SIRPA: variants seen among roughly 807,000 people sequenced by gnomAD.
The protein encoded by SIRPA is tyrosine-protein phosphatase non-receptor type substrate 1.
A neutral mutation model predicts 50.3 loss-of-function variants in SIRPA; 9 were observed. The observed-to-expected ratio is 0.18, with a 90% CI of 0.11 to 0.31. The LOEUF (loss-of-function observed/expected upper bound fraction) is 0.31, where lower values mean the gene tolerates loss of function less well. SIRPA is among the 10% of genes least tolerant of loss of function. The pLI, the probability that SIRPA is intolerant of heterozygous loss-of-function variation, is 1.00. For missense variants in SIRPA, 474 were observed against 661.6 expected (o/e 0.72, Z 3.11); for synonymous variants, 265 against 284.1 (o/e 0.93, Z 0.68).
rs879337571 is a variant in SIRPA, at chr20:1,937,048, G to A, written c.1267-272G>A. Among the ~76,000 whole-genome samples the A allele has an allele frequency of 6.6e-6, 1 of 152,168 alleles. No individual in the cohort carries two copies. The highest frequency in any genetic ancestry group is 1.5e-5 in the Non-Finnish European group (1 of 68,020). The stretch of plus-strand genomic sequence containing the variant: ...TCAGGCTAGGAGGAGGCAGGAACGG[G>A]AGGAGGTGACACTGAGGCGGGGCTG... On this transcript the variant is annotated intron_variant, in intron 7 of 7. Transcript: ENST00000358771. The surrounding 1 kb of genome is among the most constrained non-coding windows in gnomAD (Gnocchi z 8.3).
At chr20:1,918,599 A>C (rs1985454400) in intron 2 of SIRPA, among the ~76,000 whole-genome samples, 1 of 151,920 alleles carries the variant, frequency 6.6e-6, no homozygotes, top group African/African-American at 2.4e-5. Context: ...AACGTCGATA[A>C]TTGTACCAAC....
In SIRPA at chr20:1,927,922, C is replaced by T. The variant is rs1473872175; in HGVS notation, c.1226+23C>T. 1.2e-6 allele frequency: 2 copies of T among 1,608,106 alleles called. No individual in the cohort carries two copies. The highest frequency in any genetic ancestry group is 3.3e-5 in the Admixed American group (2 of 60,000). ...AAGGTAAGTGCATCATTGGTCCAGA[C>T]CCTCTTGCAGTTATTATTTGGTTAT... On this transcript the variant is annotated intron_variant, in intron 6 of 7. Coordinates refer to ENST00000358771, the MANE Select transcript of SIRPA (RefSeq NM_001040023.2). This position sits in a 1 kb window ranked among gnomAD's most constrained non-coding sequence, Gnocchi z 6.5.
intron 3 of SIRPA, 124 bp from the exon 4 acceptor site, chr20:1,922,189 A>G (rs1232679826): frequency 1.7e-6 from 2 of 1,169,002 alleles, no homozygotes; most frequent in African/African-American, 1.5e-5. Context: ...ATGTCTGAGC[A>G]CCTGATGCCT....
chr20:1,939,328 A>T lies in SIRPA; in HGVS notation c.*1760A>T, dbSNP rs1217466546. On this transcript the variant is annotated 3_prime_UTR_variant, in exon 8 of 8. Coordinates refer to ENST00000358771, the MANE Select transcript of SIRPA (RefSeq NM_001040023.2). This position sits in a 1 kb window ranked among gnomAD's most constrained non-coding sequence, Gnocchi z 4.7. Reference sequence around the variant, plus strand: ...ACAGGTGAAACTGCAGGAGCTCAGCATAGACCCAGCTCTCTGGGGGATGGT... The same window carrying T: ...ACAGGTGAAACTGCAGGAGCTCAGCTTAGACCCAGCTCTCTGGGGGATGGT... 1 of 152,226 alleles carries T rather than the reference A, an allele frequency of 6.6e-6. No homozygotes were observed. Among genetic ancestry groups the T allele is most frequent in the African/African-American group, 2.4e-5 (1 of 41,438 alleles). 9.4% of individuals were successfully genotyped at this position (152,226 alleles called of 1,614,324 possible). A position where few individuals can be genotyped will look rare whatever the true frequency, so the allele number is the denominator to read the frequency against.
chr20:1,895,286 G>A (rs1190625818), upstream of SIRPA: 5 of 398,974 alleles, frequency 1.3e-5, no homozygotes, highest in Non-Finnish European at 2.2e-5. Flanking sequence ...CAAAAACCGC[G>A]GCGGCGGCGG....
chr20:1,896,390 C>T (rs919145851), intron 1 of SIRPA, among the ~76,000 whole-genome samples: 18 of 142,160 alleles, frequency 1.3e-4, no homozygotes, highest in African/African-American at 4.5e-4. Flanking sequence ...GGTCACCATT[C>T]AGGAGTCTTG....
intron 2 of SIRPA, among the ~76,000 whole-genome samples, chr20:1,917,669 C>A (rs1229390483): frequency 1.3e-5 from 2 of 152,164 alleles, no homozygotes; most frequent in Non-Finnish European, 2.9e-5. Flanking sequence ...TGAGTAGCAT[C>A]CATGGAGCAG....
At chr20:1,921,055 T>C (rs1985617520) in intron 2 of SIRPA, among the ~76,000 whole-genome samples, 1 of 152,154 alleles carries the variant, frequency 6.6e-6, no homozygotes, top group Non-Finnish European at 1.5e-5. Flanking sequence ...GGAGGCAGGG[T>C]AGAAACAGTT....
Position 1,921,511 on chromosome 20 carries a change from T to C in SIRPA, c.553T>C (p.Phe185Leu). 6.2e-7 allele frequency: 1 copy of C among 1,613,716 alleles called. No individual in the cohort carries two copies. Among genetic ancestry groups the C allele is most frequent in the Non-Finnish European group, 8.5e-7 (1 of 1,179,876 alleles). ...ACCCAGAGACATCACCCTGAAATGG[T>C]TCAAAAATGGGAATGAGCTCTCAGA... ...FSPRDITLKWFKNGNELSDFQ... is the reference protein window; with the variant it reads ...FSPRDITLKWLKNGNELSDFQ... Residue 185 changes from phenylalanine (F) to leucine (L), a missense_variant, in exon 3 of 8, where the codon TTC becomes CTC. Phe to Leu is a conservative substitution (Grantham distance 22, BLOSUM62 0). This residue lies in a region of SIRPA where 221 missense variants were observed against 359.9 expected (regional missense o/e 0.61). Transcript: ENST00000358771.
intron 1 of SIRPA, among the ~76,000 whole-genome samples, chr20:1,908,936 A>C (rs1984716549): frequency 6.6e-6 from 1 of 152,206 alleles, no homozygotes; most frequent in Non-Finnish European, 1.5e-5. Context: ...CCTGTACTAC[A>C]TCCTGTGAGC....
In SIRPA at chr20:1,934,652, C is replaced by G; in HGVS notation, c.1227-63C>G. ...AATGGAGCCTAAATGTTATTCTTAT[C>G]AGTTTGCATGAGCACTTGAGATAGT... On this transcript the variant is annotated intron_variant, in intron 6 of 7. Coordinates refer to ENST00000358771, the MANE Select transcript of SIRPA (RefSeq NM_001040023.2). This position sits in a 1 kb window ranked among gnomAD's most constrained non-coding sequence, Gnocchi z 4.6. The G allele has an allele frequency of 6.6e-7, 1 of 1,510,650 alleles. No individual in the cohort carries two copies. Among genetic ancestry groups the G allele is most frequent in the East Asian group, 2.3e-5 (1 of 44,304 alleles). The allele number at this position is 1,510,650 out of a possible 1,614,324, so 93.6% of individuals were successfully genotyped here.
At chr20:1,902,168 T>C (rs573087370) in intron 1 of SIRPA, among the ~76,000 whole-genome samples, 3 of 152,276 alleles carry the variant, frequency 2.0e-5, no homozygotes, top group Admixed American at 1.3e-4. Context: ...CTGCCCCTAT[T>C]TTTGCTAGGG....
chr20:1,931,336 A>T (rs1372901482), intron 6 of SIRPA, among the ~76,000 whole-genome samples: 3 of 152,190 alleles, frequency 2.0e-5, no homozygotes, highest in Admixed American at 6.5e-5. Flanking sequence ...AAGTCGTGAC[A>T]TTCCCGAGGT....
chr20:1,902,355 G>A (rs1984270524), intron 1 of SIRPA, among the ~76,000 whole-genome samples: 3 of 152,186 alleles, frequency 2.0e-5, no homozygotes, highest in African/African-American at 7.2e-5. Context: ...CCAAGGCCAA[G>A]TGGGGCTCAT....
At chr20:1,897,425 G>A (rs999816951) in intron 1 of SIRPA, among the ~76,000 whole-genome samples, 4 of 152,166 alleles carry the variant, frequency 2.6e-5, no homozygotes, top group African/African-American at 4.8e-5. Flanking sequence ...TCTGTTCTTC[G>A]GGGTCCTGGT....
intron 2 of SIRPA, among the ~76,000 whole-genome samples, chr20:1,919,069 A>G (rs753643229): frequency 3.0e-4 from 45 of 152,232 alleles, no homozygotes; most frequent in African/African-American, 4.1e-4. Context: ...CCTGCAGTCA[A>G]TGTTCAACAG....
intron 1 of SIRPA, among the ~76,000 whole-genome samples, chr20:1,910,892 TAC>T (rs1984850115): frequency 6.6e-6 from 1 of 152,248 alleles, no homozygotes; most frequent in Non-Finnish European, 1.5e-5. Flanking sequence ...GTCATGATCA[TAC>T]AGAGGGTATA....
intron 1 of SIRPA, among the ~76,000 whole-genome samples, chr20:1,899,347 G>A (rs535716980): frequency 6.6e-6 from 1 of 152,262 alleles, no homozygotes; most frequent in South Asian, 2.1e-4. Flanking sequence ...CTGCAGACCA[G>A]AGCTTTGCTG....
intron 1 of SIRPA, among the ~76,000 whole-genome samples, chr20:1,904,079 G>C (rs6045328): frequency 0.019 from 2,963 of 152,182 alleles, 108 homozygotes; most frequent in African/African-American, 0.067. Context: ...GGAGTTATGA[G>C]GTTGTACGAG....
Sources: allele counts gnomAD v4.1 joint callset (sites outside exome capture counted in the v4.1 genomes callset), GRCh38; gene constraint gnomAD v4.1.1; regional missense constraint gnomAD v4.1.1; non-coding constraint Gnocchi (gnomAD v3.1); transcripts MANE v1.5; gene names NCBI Gene and HGNC (gene_info 2026-07-23, HGNC 2026-07-21).